The following ARHGAP22 variants were observed in gnomAD, a reference collection of about 807,000 sequenced individuals.
ARHGAP22 encodes Rho GTPase activating protein 22.
Under a neutral mutation model 59.1 loss-of-function variants are expected in ARHGAP22, and 48 were observed. That is an observed-to-expected ratio of 0.81 (90% CI 0.64 to 1.03). The LOEUF is 1.03. Among genes scored for constraint, ARHGAP22 ranks in the 50% least tolerant of loss-of-function variants. ARHGAP22 has a pLI of 0.00. For synonymous variants in ARHGAP22, 445 were observed against 416.4 expected, an observed-to-expected ratio of 1.07 and a Z score of -0.84; for missense variants, 1,015 against 958.7, an observed-to-expected ratio of 1.06 and a Z score of -0.78.
chr10:48,549,738 C>A (rs2056753595), intron 3 of ARHGAP22, among the ~76,000 whole-genome samples: 1 of 152,138 alleles, frequency 6.6e-6, no homozygotes, highest in African/African-American at 2.4e-5. Flanking sequence ...TTGCCTGCCC[C>A]CAATTAACTC....
At chr10:48,591,809 G>T (rs2059774004) in intron 1 of ARHGAP22, among the ~76,000 whole-genome samples, 1 of 152,124 alleles carries the variant, frequency 6.6e-6, no homozygotes, top group Non-Finnish European at 1.5e-5. Context: ...GGGAGGCAGA[G>T]GTTGCAGTGA....
chr10:48,643,687 G>T (rs528300450), intron 1 of ARHGAP22, among the ~76,000 whole-genome samples: 1 of 150,670 alleles, frequency 6.6e-6, no homozygotes, highest in African/African-American at 2.5e-5. Flanking sequence ...CACCAACATG[G>T]CACATGTATA....
chr10:48,514,059 GA>G (rs113966262), intron 3 of ARHGAP22, among the ~76,000 whole-genome samples: 19 of 151,684 alleles, frequency 1.3e-4, no homozygotes, highest in African/African-American at 4.1e-4. Flanking sequence ...GCTTATAGAA[GA>G]AAAAAAATCA....
intron 3 of ARHGAP22, among the ~76,000 whole-genome samples, chr10:48,519,464 C>G (rs2134693888): frequency 1.3e-5 from 2 of 152,360 alleles, no homozygotes; most frequent in South Asian, 4.1e-4. Flanking sequence ...CCACTGGGAT[C>G]TGCTGGGTGT....
At chr10:48,583,275 A>G in intron 1 of ARHGAP22, 123 bp from the exon 2 acceptor site, 1 of 1,157,630 alleles carries the variant, frequency 8.6e-7, no homozygotes, top group East Asian at 2.4e-5. Context: ...GCAGGATGTG[A>G]GCAGCTGGGC....
chr10:48,556,614 T>G (rs2057326514), intron 2 of ARHGAP22: 1 of 152,242 alleles, frequency 6.6e-6, no homozygotes, highest in Non-Finnish European at 1.5e-5. Flanking sequence ...AACCTGTCTG[T>G]GCCCCAGTTT....
the ARHGAP22 span, chr10:48,437,178 C>T: frequency 6.6e-6 from 1 of 152,224 alleles, no homozygotes; most frequent in African/African-American, 2.4e-5. Context: ...ACTCTCATTA[C>T]TTAGTGTAAA....
At chr10:48,536,189 T>C (rs2055336330) in intron 3 of ARHGAP22, among the ~76,000 whole-genome samples, 1 of 152,232 alleles carries the variant, frequency 6.6e-6, no homozygotes, top group African/African-American at 2.4e-5. Context: ...GGGAGGTCTC[T>C]GCCAGACGAG....
intron 3 of ARHGAP22, among the ~76,000 whole-genome samples, chr10:48,542,690 G>T (rs140306529): frequency 1.3e-5 from 2 of 152,340 alleles, no homozygotes; most frequent in African/African-American, 4.8e-5. Context: ...TTTTGGGGTG[G>T]AGTATGCTCA....
upstream of ARHGAP22, among the ~76,000 whole-genome samples, chr10:48,654,998 CTCTT>C (rs1221310084): frequency 3.2e-4 from 36 of 112,340 alleles, no homozygotes; most frequent in Non-Finnish European, 5.7e-4. Context: ...CTTCCTCTCT[CTCTT>C]TCTTTCTCTT....
chr10:48,574,237 T>TTC (rs149806507), intron 2 of ARHGAP22, among the ~76,000 whole-genome samples: 66 of 151,840 alleles, frequency 4.3e-4, no homozygotes, highest in African/African-American at 1.4e-3. Context: ...TTTTCTCATT[T>TTC]ATTCATTCAT....
intron 1 of ARHGAP22, among the ~76,000 whole-genome samples, chr10:48,633,734 C>T (rs1352619376): frequency 1.3e-5 from 2 of 152,198 alleles, no homozygotes; most frequent in Non-Finnish European, 2.9e-5. Context: ...CTGGCTTTCC[C>T]TGTGGACTTT....
chr10:48,593,386 C>G (rs2059882523), intron 1 of ARHGAP22, among the ~76,000 whole-genome samples: 1 of 152,182 alleles, frequency 6.6e-6, no homozygotes, highest in Non-Finnish European at 1.5e-5. Context: ...AGTGGATGTT[C>G]CCAGACCCCT....
At chr10:48,440,737 T>A in the ARHGAP22 span, among the ~76,000 whole-genome samples, 4 of 152,228 alleles carry the variant, frequency 2.6e-5, no homozygotes, top group Middle Eastern at 6.8e-3. Context: ...TAGGAACCCA[T>A]GGTAGTTTCT....
At chr10:48,458,283 C>T (rs1157225284) in intron 5 of ARHGAP22, among the ~76,000 whole-genome samples, 1 of 152,036 alleles carries the variant, frequency 6.6e-6, no homozygotes, top group Non-Finnish European at 1.5e-5. Context: ...ATAGGGAAGG[C>T]TGCCCCAGGC....
chr10:48,434,816 G>T, the ARHGAP22 span: 3 of 1,415,998 alleles, frequency 2.1e-6, no homozygotes, highest in Non-Finnish European at 2.9e-6. Context: ...GAGGCAGTCA[G>T]TGCAGTGCAA....
intron 3 of ARHGAP22, among the ~76,000 whole-genome samples, chr10:48,528,617 C>T (rs538846229): frequency 3.7e-4 from 56 of 151,940 alleles, no homozygotes; most frequent in Non-Finnish European, 4.9e-4. Context: ...ATGGTGTAGA[C>T]GTGTGTCCCC....
At chr10:48,585,137 C>T (rs767024614) in intron 1 of ARHGAP22, among the ~76,000 whole-genome samples, 46 of 152,186 alleles carry the variant, frequency 3.0e-4, no homozygotes, top group Non-Finnish European at 5.4e-4. Context: ...TAAAACCCCT[C>T]GTGGACTTTG....
intron 3 of ARHGAP22, among the ~76,000 whole-genome samples, chr10:48,509,063 G>A (rs1385731391): frequency 6.6e-6 from 1 of 152,226 alleles, no homozygotes; most frequent in Non-Finnish European, 1.5e-5. Flanking sequence ...TATTCTCCTG[G>A]GTTCCCCCTG....
Sources: gnomAD v4.1 joint callset for allele counts (sites outside exome capture counted in the v4.1 genomes callset) on GRCh38, gnomAD v4.1.1 for gene constraint, MANE v1.5 for transcripts, NCBI Gene and HGNC (gene_info 2026-07-23, HGNC 2026-07-21) for gene names.